Variants in ETFRF1 observed in about 807,000 individuals in gnomAD.
ETFRF1 encodes LYR motif containing 5.
In ETFRF1, 12 loss-of-function variants were observed where a neutral mutation model predicts 9.0. The ratio of observed to expected loss-of-function variants is 1.34; its 90% CI spans 0.86 to 2.16. ETFRF1 has a LOEUF of 2.16. ETFRF1 is among the 30% of genes most tolerant of loss of function. ETFRF1 has a pLI of 0.00. For synonymous variants in ETFRF1, 34 were observed against 33.2 expected (o/e 1.02, Z -0.08); for missense variants, 98 against 101.8 (o/e 0.96, Z 0.16).
intron 1 of ETFRF1, chr12:25,196,112 TAAG>T (rs1950995860): frequency 6.6e-6 from 1 of 152,248 alleles, no homozygotes. Flanking sequence ...TATTCATAGA[TAAG>T]TAGTAGGACT....
chr12:25,203,904 A>G lies in ETFRF1; in HGVS notation c.-37-16A>G. ...CTACAATGCAGCTAATTGCAAAAAA[A>G]TTTTCCTTTCTTTAGGTATGTTATG... On this transcript the variant is annotated splice_polypyrimidine_tract_variant and intron_variant, in intron 1 of 2. Coordinates refer to ENST00000381356, the MANE Select transcript of ETFRF1 (RefSeq NM_001001660.3). 19 of 1,363,308 alleles carry G rather than the reference A, an allele frequency of 1.4e-5. No individual in the cohort carries two copies. In the Middle Eastern group the frequency reaches 1.1e-3, roughly 78 times the overall value. 84.5% of individuals were successfully genotyped at this position (1,363,308 alleles called of 1,614,324 possible). A position where few individuals can be genotyped will look rare whatever the true frequency, so the allele number is the denominator to read the frequency against.
intron 1 of ETFRF1, among the ~76,000 whole-genome samples, chr12:25,199,625 C>T (rs1592786132): frequency 7.5e-6 from 1 of 132,872 alleles, no homozygotes; most frequent in African/African-American, 2.5e-5. Context: ...TACATACACA[C>T]ACACACACAC....
intron 1 of ETFRF1, among the ~76,000 whole-genome samples, chr12:25,202,679 G>A (rs1054871072): frequency 3.9e-5 from 6 of 152,064 alleles, no homozygotes; most frequent in Admixed American, 6.5e-5. Context: ...AATGGTGACA[G>A]CAAGAGGATT....
At chr12:25,196,808 A>G (rs539418354) in intron 1 of ETFRF1, among the ~76,000 whole-genome samples, 4 of 152,308 alleles carry the variant, frequency 2.6e-5, no homozygotes, top group Admixed American at 6.5e-5. Flanking sequence ...AAGGAGACCT[A>G]TTTCTCTTAG....
At chr12:25,200,502 G>A (rs191491530) in intron 1 of ETFRF1, among the ~76,000 whole-genome samples, 61 of 152,256 alleles carry the variant, frequency 4.0e-4, no homozygotes, top group Non-Finnish European at 7.2e-4. Context: ...TCTGGGGAGA[G>A]AGAGAAAAAA....
At chr12:25,197,486 A>G (rs1951040236) in intron 1 of ETFRF1, among the ~76,000 whole-genome samples, 1 of 151,402 alleles carries the variant, frequency 6.6e-6, no homozygotes, top group African/African-American at 2.4e-5. Context: ...GTTTTGAGAC[A>G]GGGTCTCAAA....
At chr12:25,202,598 T>C (rs1168435158) in intron 1 of ETFRF1, among the ~76,000 whole-genome samples, 1 of 151,982 alleles carries the variant, frequency 6.6e-6, no homozygotes, top group East Asian at 1.9e-4. Flanking sequence ...GAGAAGACCA[T>C]GCATGTGGGA....
At position 25,204,197 on chromosome 12, in the gene ETFRF1, A is replaced by C. The variant is rs1460986364; in HGVS notation, c.158A>C (p.Lys53Thr). 6.2e-7 allele frequency: 1 copy of C among 1,613,316 alleles called. No homozygotes were observed. The highest frequency in any genetic ancestry group is 8.5e-7 in the Non-Finnish European group (1 of 1,179,624). The change falls in exon 3 of 3, where the codon AAA (lysine) becomes ACA (threonine). Residue 53 changes from lysine (K) to threonine (T), a missense_variant. By Grantham distance (78) the Lys-to-Thr change is moderately conservative. Transcript: ENST00000381356. ...NKDVKNPEKI[K>T]ELIAQGEFVM... ...GATGTGAAGAATCCAGAGAAGATCAAAGAACTTATTGCACAGGGCGAATTT... is the reference window on the plus strand; with the variant it reads ...GATGTGAAGAATCCAGAGAAGATCACAGAACTTATTGCACAGGGCGAATTT...
At chr12:25,203,611 T>A in intron 1 of ETFRF1, 1 of 196,640 alleles carries the variant, frequency 5.1e-6, no homozygotes, top group South Asian at 1.5e-4. Context: ...TTTAACTCAT[T>A]CCACTGTGGC....
intron 1 of ETFRF1, among the ~76,000 whole-genome samples, chr12:25,199,801 A>G (rs1031486590): frequency 6.6e-6 from 1 of 152,190 alleles, no homozygotes; most frequent in Non-Finnish European, 1.5e-5. Flanking sequence ...TCTCTATAGT[A>G]GTCTCCAGCT....
intron 1 of ETFRF1, among the ~76,000 whole-genome samples, chr12:25,203,425 T>A (rs1474383264): frequency 6.6e-6 from 1 of 152,190 alleles, no homozygotes; most frequent in Non-Finnish European, 1.5e-5. Flanking sequence ...GTTTTCAGCC[T>A]CCCTTTGGAT....
Position 25,204,241 on chromosome 12 carries a change from G to C in ETFRF1, c.202G>C (p.Ala68Pro). 6.2e-7 allele frequency: 1 copy of C among 1,610,114 alleles called. No homozygotes were observed. The highest frequency in any genetic ancestry group is 8.5e-7 in the Non-Finnish European group (1 of 1,178,758). The change falls in exon 3 of 3, where the codon GCT becomes CCT. Residue 68 changes from alanine (A) to proline (P), a missense_variant. By Grantham distance (27) the Ala-to-Pro change is conservative. Transcript: ENST00000381356. Reference sequence around the variant, plus strand: ...CGAATTTGTAATGAAAGAGCTAGAAGCTTTGTACTTCCTTAGGAAATACAG... The same window carrying C: ...CGAATTTGTAATGAAAGAGCTAGAACCTTTGTACTTCCTTAGGAAATACAG... ...QGEFVMKELEALYFLRKYRAM... is the reference protein window; with the variant it reads ...QGEFVMKELEPLYFLRKYRAM...
intron 1 of ETFRF1, 131 bp from the exon 2 acceptor site, chr12:25,203,789 G>A: frequency 1.9e-6 from 1 of 528,908 alleles, no homozygotes; most frequent in Non-Finnish European, 3.2e-6. Flanking sequence ...CCCAGTACGT[G>A]GAACGAAAAA....
chr12:25,195,280 G>A lies in ETFRF1; in HGVS notation c.-95G>A. The A allele has an allele frequency of 1.6e-6, 1 of 643,234 alleles. No homozygotes were observed. The highest frequency in any genetic ancestry group is 2.8e-6 in the Non-Finnish European group (1 of 359,748). 39.8% of individuals were successfully genotyped at this position (643,234 alleles called of 1,614,324 possible). A position where few individuals can be genotyped will look rare whatever the true frequency, so the allele number is the denominator to read the frequency against. ...TCCCCCAACGCCACCCCGCTTCGCAGTAGACGGACAGAGGAGTCGTAGCGG... is the reference window on the plus strand; with the variant it reads ...TCCCCCAACGCCACCCCGCTTCGCAATAGACGGACAGAGGAGTCGTAGCGG... On this transcript the variant is annotated 5_prime_UTR_variant, in exon 1 of 3. Coordinates refer to ENST00000381356, the MANE Select transcript of ETFRF1 (RefSeq NM_001001660.3).
intron 1 of ETFRF1, among the ~76,000 whole-genome samples, chr12:25,197,153 CAAA>C (rs141032804): frequency 7.8e-6 from 1 of 127,614 alleles, no homozygotes; most frequent in Non-Finnish European, 1.7e-5. Context: ...GACTCCGTCT[CAAA>C]AAAAAAAAAA....
Position 25,203,917 on chromosome 12 carries a change from T to C in ETFRF1, c.-37-3T>C. On this transcript the variant is annotated splice_region_variant and splice_polypyrimidine_tract_variant and intron_variant, in intron 1 of 2. Transcript: ENST00000381356. ...AATTGCAAAAAAATTTTCCTTTCTT[T>C]AGGTATGTTATGCATAAAAGTGGAT... 1 of 1,389,518 alleles carries C rather than the reference T, an allele frequency of 7.2e-7. No homozygotes were observed. The allele number at this position is 1,389,518 out of a possible 1,614,324, so 86.1% of individuals were successfully genotyped here.
rs1323271219 is a variant in ETFRF1 at position 25,204,247 on chromosome 12, T to TA, written c.209dup (p.Tyr70Ter). The change falls in exon 3 of 3, where the codon TAC (tyrosine) becomes TAAC (stop). Residue 70 changes from tyrosine (Y) to a stop codon, truncating the protein, a stop_gained and frameshift_variant. Transcript: ENST00000381356. Reference protein sequence around the residue: ...EFVMKELEALYFLRKYRAMKQ... With the variant: ...EFVMKELEAL ...TGTAATGAAAGAGCTAGAAGCTTTG[T>TA]ACTTCCTTAGGAAATACAGAGCTAT... 14 of 1,609,560 alleles carry TA rather than the reference T, an allele frequency of 8.7e-6. No individual in the cohort carries two copies. Among genetic ancestry groups the TA allele is most frequent in the Non-Finnish European group, 1.2e-5 (14 of 1,178,684 alleles).
Position 25,204,997 on chromosome 12 carries a change from A to C in ETFRF1, c.*685A>C, listed in dbSNP as rs112836371. On this transcript the variant is annotated 3_prime_UTR_variant, in exon 3 of 3. Coordinates refer to ENST00000381356, the MANE Select transcript of ETFRF1 (RefSeq NM_001001660.3). The stretch of plus-strand genomic sequence containing the variant: ...TTACCTTCTTTGATAAAAGGAAATA[A>C]ATAAATAATGTTATCCTATTTTTTT... The C allele has an allele frequency of 2.6e-3, 527 of 205,814 alleles. 6 individuals carry two copies. Among genetic ancestry groups the C allele is most frequent in the African/African-American group, 0.011 (480 of 43,902 alleles). The allele number at this position is 205,814 out of a possible 1,614,324, so 12.7% of individuals were successfully genotyped here. A position where few individuals can be genotyped will look rare whatever the true frequency, so the allele number is the denominator to read the frequency against.
rs754155801 is a variant in ETFRF1, at chr12:25,203,973, C to A, written c.17C>A (p.Ser6Tyr). The A allele has an allele frequency of 2.7e-6, 4 of 1,481,856 alleles. No individual in the cohort carries two copies. Among genetic ancestry groups the A allele is most frequent in the East Asian group, 5.0e-5 (2 of 40,294 alleles). The allele number at this position is 1,481,856 out of a possible 1,614,324, so 91.8% of individuals were successfully genotyped here. MKMAN[S>Y]LRGEVLKLYK... ...ACATGATAAATGAAAATGGCCAATT[C>A]TTTAAGAGGAGAAGTACTAAAACTT... Residue 6 changes from serine (S) to tyrosine (Y), a missense_variant, in exon 2 of 3, where the codon TCT (serine) becomes TAT (tyrosine). Coordinates refer to ENST00000381356, the MANE Select transcript of ETFRF1 (RefSeq NM_001001660.3).
Sources: allele counts gnomAD v4.1 joint callset (sites outside exome capture counted in the v4.1 genomes callset), GRCh38; gene constraint gnomAD v4.1.1; transcripts MANE v1.5; gene names NCBI Gene and HGNC (gene_info 2026-07-23, HGNC 2026-07-21).